Variants in CEP120 observed in about 807,000 individuals in gnomAD.
CEP120 encodes centrosomal protein of 120 kDa.
In CEP120, 113 loss-of-function variants were observed where a neutral mutation model predicts 126.5. That is an observed-to-expected ratio of 0.89 (90% CI 0.77 to 1.04). CEP120 has a LOEUF of 1.04. Ranked by LOEUF, CEP120 falls within the 50% of genes least tolerant of loss-of-function variation. The pLI, the probability that CEP120 is intolerant of heterozygous loss-of-function variation, is 0.00. For missense variants in CEP120, 1,230 were observed against 1,155.7 expected, an observed-to-expected ratio of 1.06 and a Z score of -0.93; for synonymous variants, 400 against 394.3, an observed-to-expected ratio of 1.01 and a Z score of -0.17.
chr5:123,349,508 C>A (rs1365586242), intron 19 of CEP120, among the ~76,000 whole-genome samples: 2 of 152,052 alleles, frequency 1.3e-5, no homozygotes, highest in Non-Finnish European at 2.9e-5. Flanking sequence ...TAGCAATAAT[C>A]CTGATATCAT....
At position 123,378,437 on chromosome 5, in the gene CEP120, T is replaced by C. The variant is rs376782112; in HGVS notation, c.2104-9A>G. ...ATAGTATATTCAGCCACCTAAAATA[T>C]AGTAAAAAAAAAAAAAAAAAAGTTA... On this transcript the variant is annotated splice_polypyrimidine_tract_variant and intron_variant, in intron 14 of 19. Coordinates refer to ENST00000306467, the MANE Select transcript of CEP120 (RefSeq NM_001375405.1). The C allele has an allele frequency of 4.0e-5, 54 of 1,337,934 alleles. No homozygotes were observed. The African/African-American group carries it at 7.0e-4, about 17-fold the overall frequency. The allele number at this position is 1,337,934 out of a possible 1,614,324, so 82.9% of individuals were successfully genotyped here.
intron 18 of CEP120, among the ~76,000 whole-genome samples, chr5:123,357,508 C>A (rs1368739478): frequency 6.6e-6 from 1 of 152,108 alleles, no homozygotes; most frequent in Non-Finnish European, 1.5e-5. Flanking sequence ...ATTCCAAAAT[C>A]TGAATTACAC....
chr5:123,417,916 CTG>C (rs562578505), intron 2 of CEP120, among the ~76,000 whole-genome samples: 128 of 152,244 alleles, frequency 8.4e-4, no homozygotes, highest in African/African-American at 2.9e-3. Flanking sequence ...TGATGTTTAA[CTG>C]TTATTGTTGC....
chr5:123,346,756 G>C lies in CEP120; in HGVS notation c.2727-3C>G. The C allele has an allele frequency of 6.3e-7, 1 of 1,583,794 alleles. No individual in the cohort carries two copies. The stretch of plus-strand genomic sequence containing the variant: ...GTTTTTGCTCTTGTTGCCTTAACCT[G>C]AGAAGTCAAGAACAAATGCCACTGT... On this transcript the variant is annotated splice_region_variant and splice_polypyrimidine_tract_variant and intron_variant, in intron 19 of 19. Coordinates refer to ENST00000306467, the MANE Select transcript of CEP120 (RefSeq NM_001375405.1).
chr5:123,416,002 G>A lies in CEP120; in HGVS notation c.321+8C>T, dbSNP rs763287562. 1.3e-6 allele frequency: 2 copies of A among 1,563,016 alleles called. No individual in the cohort carries two copies. The highest frequency in any genetic ancestry group is 8.8e-7 in the Non-Finnish European group (1 of 1,134,430). ...ATAATCATTAGCAAAACATCAAAAG[G>A]GCAATACCTGCTTTGTTTCTTGAGC... On this transcript the variant is annotated splice_region_variant and intron_variant, in intron 3 of 19. Transcript: ENST00000306467.
chr5:123,421,239 C>T (rs1165908522), intron 1 of CEP120, among the ~76,000 whole-genome samples: 2 of 152,198 alleles, frequency 1.3e-5, no homozygotes. Context: ...TATTCACCTT[C>T]CTCTACCCTG....
intron 1 of CEP120, among the ~76,000 whole-genome samples, chr5:123,418,805 A>G (rs1219318752): frequency 2.0e-5 from 3 of 151,748 alleles, no homozygotes; most frequent in Non-Finnish European, 4.4e-5. Flanking sequence ...CCATGTTGGA[A>G]CTCCTGACTT....
intron 18 of CEP120, among the ~76,000 whole-genome samples, chr5:123,354,094 C>T (rs1326480038): frequency 6.6e-6 from 1 of 152,132 alleles, no homozygotes; most frequent in East Asian, 1.9e-4. Flanking sequence ...CTAAATCCCA[C>T]ACTTTGATGT....
At chr5:123,393,150 T>C in intron 6 of CEP120, 150 bp downstream of exon 6, 1 of 677,834 alleles carries the variant, frequency 1.5e-6, no homozygotes, top group Non-Finnish European at 2.5e-6. Flanking sequence ...CTCAGGATAG[T>C]ACCTAAAAAA....
chr5:123,411,753 C>A (rs1424849644), intron 4 of CEP120, among the ~76,000 whole-genome samples: 2 of 152,180 alleles, frequency 1.3e-5, no homozygotes, highest in African/African-American at 4.8e-5. Flanking sequence ...CTGTATGATA[C>A]TACAATAGTG....
chr5:123,353,440 A>G (rs1278165323), intron 18 of CEP120, among the ~76,000 whole-genome samples: 2 of 151,668 alleles, frequency 1.3e-5, no homozygotes, highest in Non-Finnish European at 3.0e-5. Context: ...TGTATCTTTA[A>G]TGTTTTAAAA....
intron 4 of CEP120, chr5:123,401,436 T>C: frequency 1.5e-6 from 2 of 1,352,252 alleles, no homozygotes; most frequent in Non-Finnish European, 2.1e-6. Context: ...TTAGTCTTTG[T>C]GCACCGCAGG....
chr5:123,403,760 T>TA (rs1218950979), intron 4 of CEP120: 2 of 409,538 alleles, frequency 4.9e-6, no homozygotes, highest in African/African-American at 4.2e-5. Flanking sequence ...ATGCATAAGC[T>TA]AAATCTAAAA....
intron 6 of CEP120, 139 bp from the exon 7 acceptor site, chr5:123,391,476 C>CT (rs1772396329): frequency 1.4e-5 from 9 of 643,186 alleles, no homozygotes; most frequent in Non-Finnish European, 2.1e-5. Context: ...CCTCAAGTGA[C>CT]GAAGTAATGA....
chr5:123,379,774 T>C (rs1406615296), intron 14 of CEP120, among the ~76,000 whole-genome samples: 1 of 152,128 alleles, frequency 6.6e-6, no homozygotes, highest in East Asian at 1.9e-4. Flanking sequence ...AAACTACATA[T>C]AATTTTCTTA....
At chr5:123,404,207 C>T (rs539497947) in intron 4 of CEP120, among the ~76,000 whole-genome samples, 7 of 152,166 alleles carry the variant, frequency 4.6e-5, no homozygotes, top group African/African-American at 9.6e-5. Flanking sequence ...TATTTCACAA[C>T]GAAAACAAAT....
intron 13 of CEP120, among the ~76,000 whole-genome samples, chr5:123,382,426 C>T (rs973858215): frequency 2.6e-5 from 4 of 151,012 alleles, no homozygotes; most frequent in African/African-American, 9.7e-5. Flanking sequence ...TGCTTTCTAA[C>T]TCTTGTTTGG....
At chr5:123,420,217 T>C (rs986507922) in intron 1 of CEP120, among the ~76,000 whole-genome samples, 36 of 152,218 alleles carry the variant, frequency 2.4e-4, no homozygotes, top group African/African-American at 8.4e-4. Context: ...ATGTCATATA[T>C]GTCAAAGAAC....
chr5:123,398,501 C>A (rs962969460), intron 5 of CEP120, among the ~76,000 whole-genome samples: 2 of 152,276 alleles, frequency 1.3e-5, no homozygotes, highest in Non-Finnish European at 2.9e-5. Context: ...GTGGCAGGTT[C>A]CCCAAATTCA....
Sources: gnomAD v4.1 joint callset for allele counts (sites outside exome capture counted in the v4.1 genomes callset) on GRCh38, gnomAD v4.1.1 for gene constraint, MANE v1.5 for transcripts, NCBI Gene and HGNC (gene_info 2026-07-23, HGNC 2026-07-21) for gene names.